Variants in GABRB1 observed in about 807,000 individuals in gnomAD.
The protein encoded by GABRB1 is gamma-aminobutyric acid receptor subunit beta-1.
Under a neutral mutation model 51.6 loss-of-function variants are expected in GABRB1, and 17 were observed. The observed-to-expected ratio is 0.33, with a 90% CI of 0.23 to 0.49. GABRB1 has a LOEUF of 0.49. Ranked by LOEUF, GABRB1 falls within the 20% of genes least tolerant of loss-of-function variation. GABRB1 has a pLI of 0.99. For missense variants in GABRB1, 410 were observed against 600.6 expected (o/e 0.68, Z 3.32); for synonymous variants, 247 against 218.9 (o/e 1.13, Z -1.14).
chr4:47,183,672 C>T (rs990468878), intron 4 of GABRB1, among the ~76,000 whole-genome samples: 1 of 151,758 alleles, frequency 6.6e-6, no homozygotes, highest in Non-Finnish European at 1.5e-5. Flanking sequence ...TTACTCCCCT[C>T]TTTCTACATC....
intron 5 of GABRB1, among the ~76,000 whole-genome samples, chr4:47,378,417 G>A (rs1727470805): frequency 6.6e-6 from 1 of 152,306 alleles, no homozygotes; most frequent in African/African-American, 2.4e-5. Context: ...CGCAGCCCGG[G>A]TTCCCGCCCA....
At chr4:47,346,337 C>T (rs1406231713) in intron 5 of GABRB1, among the ~76,000 whole-genome samples, 6 of 152,054 alleles carry the variant, frequency 3.9e-5, no homozygotes, top group Non-Finnish European at 7.4e-5. Flanking sequence ...TTGAAAAAGT[C>T]GATTTGTCAG....
Position 47,403,519 on chromosome 4 carries a change from A to C in GABRB1, c.683-40A>C, listed in dbSNP as rs367944622. ...GAAAGGAAGAAGATGGTTCCAACCA[A>C]ATAATGGTCTGATTACTTGTCTTTT... On this transcript the variant is annotated intron_variant, in intron 6 of 8. Transcript: ENST00000295454. 15 of 1,613,322 alleles carry C rather than the reference A, an allele frequency of 9.3e-6. No individual in the cohort carries two copies. In the African/African-American group the frequency reaches 2.0e-4, roughly 22 times the overall value.
At chr4:47,190,065 G>A (rs1194935400) in intron 4 of GABRB1, among the ~76,000 whole-genome samples, 1 of 151,914 alleles carries the variant, frequency 6.6e-6, no homozygotes, top group African/African-American at 2.4e-5. Flanking sequence ...TCTCTAGCAG[G>A]TTAAAAACCA....
chr4:47,029,007 A>G (rs574604028), upstream of GABRB1, among the ~76,000 whole-genome samples: 1 of 151,462 alleles, frequency 6.6e-6, no homozygotes, highest in East Asian at 1.9e-4. Context: ...TCAGTGTTTT[A>G]CTTCTGGGAT....
In GABRB1 at chr4:47,285,014, G is replaced by A. The variant is rs1303870568; in HGVS notation, c.462-35113G>A. Among the ~76,000 whole-genome samples, 3 of 152,334 alleles carry A rather than the reference G, an allele frequency of 2.0e-5. No homozygotes were observed. The East Asian group carries it at 5.8e-4, about 29-fold the overall frequency. ...TTCTAACGTCATCGTGTTTGAGTAG[G>A]TATGCTCTTCTAAGAATGTCTTCTT... On this transcript the variant is annotated intron_variant, in intron 4 of 8. Transcript: ENST00000295454.
intron 3 of GABRB1, among the ~76,000 whole-genome samples, chr4:47,104,255 T>C (rs1447921683): frequency 6.6e-6 from 1 of 151,860 alleles, no homozygotes; most frequent in Non-Finnish European, 1.5e-5. Context: ...TAATAAAAAG[T>C]ATAATATAGT....
At chr4:47,022,164 G>T (rs1262148061) in intron 1 of GABRB1, among the ~76,000 whole-genome samples, 1 of 151,902 alleles carries the variant, frequency 6.6e-6, no homozygotes, top group African/African-American at 2.4e-5. Context: ...TGGTTTATTT[G>T]CTTCTCACTT....
intron 4 of GABRB1, among the ~76,000 whole-genome samples, chr4:47,285,043 G>C (rs189009479): frequency 6.6e-6 from 1 of 152,180 alleles, no homozygotes; most frequent in Admixed American, 6.5e-5. Context: ...TCTTCTTATA[G>C]TTTGCAATAC....
At chr4:47,256,162 C>T (rs978365521) in intron 4 of GABRB1, among the ~76,000 whole-genome samples, 1 of 152,086 alleles carries the variant, frequency 6.6e-6, no homozygotes, top group African/African-American at 2.4e-5. Context: ...GACAAATACA[C>T]AGGACTTGCT....
chr4:47,389,023 A>C (rs1228113912), intron 5 of GABRB1, among the ~76,000 whole-genome samples: 2 of 152,234 alleles, frequency 1.3e-5, no homozygotes, highest in Non-Finnish European at 2.9e-5. Context: ...CCAAACCCAA[A>C]GAATGGACTT....
intron 4 of GABRB1, among the ~76,000 whole-genome samples, chr4:47,233,857 T>C (rs983432132): frequency 6.6e-6 from 1 of 152,196 alleles, no homozygotes; most frequent in Non-Finnish European, 1.5e-5. Flanking sequence ...GCATATAGAC[T>C]TTAGATAAAA....
intron 4 of GABRB1, among the ~76,000 whole-genome samples, chr4:47,313,979 G>A (rs1476281813): frequency 6.6e-6 from 1 of 151,988 alleles, no homozygotes; most frequent in African/African-American, 2.4e-5. Context: ...ATTCCAAGAC[G>A]GAAGTTGTTT....
chr4:47,076,085 T>A (rs1727536898), intron 3 of GABRB1, among the ~76,000 whole-genome samples: 1 of 152,212 alleles, frequency 6.6e-6, no homozygotes, highest in African/African-American at 2.4e-5. Flanking sequence ...CCCAATGAGA[T>A]GCAGCTTTTG....
At chr4:47,275,890 T>A (rs1723057415) in intron 4 of GABRB1, among the ~76,000 whole-genome samples, 1 of 152,192 alleles carries the variant, frequency 6.6e-6, no homozygotes, top group South Asian at 2.1e-4. Context: ...TGATCCCTCA[T>A]GTAACTGTGT....
intron 3 of GABRB1, among the ~76,000 whole-genome samples, chr4:47,136,876 T>C (rs1186043408): frequency 6.6e-6 from 1 of 152,102 alleles, no homozygotes; most frequent in Non-Finnish European, 1.5e-5. Flanking sequence ...ATTTAATGTC[T>C]ATATAAGCTT....
At chr4:47,259,331 A>C (rs1048379439) in intron 4 of GABRB1, among the ~76,000 whole-genome samples, 4 of 152,174 alleles carry the variant, frequency 2.6e-5, no homozygotes, top group Non-Finnish European at 5.9e-5. Flanking sequence ...ATGAGGGAGA[A>C]AAGAAAATAA....
At chr4:47,141,800 T>G (rs1369985235) in intron 3 of GABRB1, among the ~76,000 whole-genome samples, 1 of 151,948 alleles carries the variant, frequency 6.6e-6, no homozygotes, top group Admixed American at 6.6e-5. Flanking sequence ...AAGTATCTAT[T>G]GCACAAAAAA....
chr4:47,155,386 T>C (rs1160758385), intron 3 of GABRB1, among the ~76,000 whole-genome samples: 1 of 152,040 alleles, frequency 6.6e-6, no homozygotes, highest in African/African-American at 2.4e-5. Context: ...AACATAAATA[T>C]GAACAAGGGC....
Sources: allele counts gnomAD v4.1 joint callset (sites outside exome capture counted in the v4.1 genomes callset), GRCh38; gene constraint gnomAD v4.1.1; transcripts MANE v1.5; gene names NCBI Gene and HGNC (gene_info 2026-07-23, HGNC 2026-07-21).